Variants in WIPF3 observed in about 807,000 individuals in gnomAD.
The protein encoded by WIPF3 is WAS/WASL-interacting protein family member 3.
In WIPF3, 33 loss-of-function variants were observed where a neutral mutation model predicts 38.9. That is an observed-to-expected ratio of 0.85 (90% CI 0.64 to 1.14). The LOEUF (loss-of-function observed/expected upper bound fraction) is 1.14, where lower values mean the gene tolerates loss of function less well. Ranked by LOEUF, WIPF3 falls within the 50% of genes most tolerant of loss-of-function variation. The pLI is 0.00. For missense variants in WIPF3, 711 were observed against 652.5 expected, an observed-to-expected ratio of 1.09 and a Z score of -0.98; for synonymous variants, 324 against 269.3, an observed-to-expected ratio of 1.20 and a Z score of -1.99.
In WIPF3 at chr7:29,814,942, G is replaced by A. The variant is rs1473442829; in HGVS notation, c.-58+8264G>A. ...TTATTACCGCCCTATTAGAGGAGGG[G>A]ACATTTTCCCCTCACATGGTAGAAC... On this transcript the variant is annotated intron_variant, in intron 1 of 8. Transcript: ENST00000242140. 3.9e-5 allele frequency among the ~76,000 whole-genome samples: 6 copies of A among 152,154 alleles called. No individual in the cohort carries two copies. In the South Asian group the frequency reaches 8.3e-4, roughly 21 times the overall value.
chr7:29,871,465 T>A (rs1785495722), intron 2 of WIPF3, among the ~76,000 whole-genome samples: 1 of 152,226 alleles, frequency 6.6e-6, no homozygotes, highest in Admixed American at 6.5e-5. Flanking sequence ...GCTGAAATTG[T>A]ATTAAAACGA....
At chr7:29,853,210 A>G (rs1258431088) in intron 2 of WIPF3, among the ~76,000 whole-genome samples, 5 of 152,030 alleles carry the variant, frequency 3.3e-5, no homozygotes, top group African/African-American at 7.2e-5. Flanking sequence ...CGTTCCACCA[A>G]CTCTTGTGAC....
rs896501673 is a variant in WIPF3, at chr7:29,884,332, G to A, written c.838G>A (p.Ala280Thr). 3 of 1,257,150 alleles carry A rather than the reference G, an allele frequency of 2.4e-6. No homozygotes were observed. Among genetic ancestry groups the A allele is most frequent in the African/African-American group, 2.0e-5 (1 of 50,650 alleles). The allele number at this position is 1,257,150 out of a possible 1,614,324, so 77.9% of individuals were successfully genotyped here. Residue 280 changes from alanine (A) to threonine (T), a missense_variant, in exon 5 of 9, where the codon GCC becomes ACC. By Grantham distance (58) the Ala-to-Thr change is moderately conservative. Transcript: ENST00000242140. ...CGYPGLKAEP[A>T]SPAQDAQEPP... ...GTATCCGGGGCTCAAAGCGGAGCCC[G>A]CCAGCCCTGCGCAAGATGCGCAGGA...
At chr7:29,889,239 T>C in intron 6 of WIPF3, 67 bp from the exon 7 acceptor site, 1 of 1,353,220 alleles carries the variant, frequency 7.4e-7, no homozygotes, top group Non-Finnish European at 1.0e-6. Flanking sequence ...TCTGTGCTCC[T>C]GGAAATGATC....
intron 2 of WIPF3, among the ~76,000 whole-genome samples, chr7:29,838,457 A>G (rs768258600): frequency 2.6e-5 from 4 of 152,234 alleles, no homozygotes; most frequent in Non-Finnish European, 4.4e-5. Flanking sequence ...ATTACTTGTA[A>G]TAATAACCAA....
chr7:29,905,919 A>T (rs1430491699), intron 8 of WIPF3: 1 of 152,234 alleles, frequency 6.6e-6, no homozygotes, highest in African/African-American at 2.4e-5. Flanking sequence ...AAGTGACCAC[A>T]TATGCCCAGG....
chr7:29,911,368 G>GA (rs1173831841), intron 8 of WIPF3, among the ~76,000 whole-genome samples: 1 of 152,016 alleles, frequency 6.6e-6, no homozygotes, highest in Non-Finnish European at 1.5e-5. Context: ...AAACCCTACC[G>GA]AAATCTCAAT....
rs140341935 is a variant in WIPF3 at position 29,818,503 on chromosome 7, T to A, written c.-58+11825T>A. ...AAAAATAATTAAAATAATTAAATTA[T>A]TTGATTTAATTCTATAAATTAAAAT... On this transcript the variant is annotated intron_variant, in intron 1 of 8. Coordinates refer to ENST00000242140, the MANE Select transcript of WIPF3 (RefSeq NM_001080529.3). Among the ~76,000 whole-genome samples the A allele has an allele frequency of 5.1e-4, 76 of 148,580 alleles. 1 individual carries two copies. The East Asian group carries it at 0.013, about 25-fold the overall frequency.
chr7:29,812,858 G>C (rs940410924), intron 1 of WIPF3, among the ~76,000 whole-genome samples: 11 of 152,102 alleles, frequency 7.2e-5, no homozygotes, highest in African/African-American at 2.7e-4. Flanking sequence ...TTTAAATGTT[G>C]TACTCTTCTA....
At chr7:29,901,990 T>C (rs1786291235) in intron 7 of WIPF3, among the ~76,000 whole-genome samples, 1 of 152,086 alleles carries the variant, frequency 6.6e-6, no homozygotes, top group Non-Finnish European at 1.5e-5. Flanking sequence ...ATTTTTGGGT[T>C]GTTACAAGTG....
intron 1 of WIPF3, among the ~76,000 whole-genome samples, chr7:29,822,922 C>G (rs1181787719): frequency 6.6e-6 from 1 of 152,074 alleles, no homozygotes; most frequent in Non-Finnish European, 1.5e-5. Context: ...CAAGCTGCCT[C>G]CTCTCTGCTG....
intron 2 of WIPF3, among the ~76,000 whole-genome samples, chr7:29,836,349 C>T (rs1784798925): frequency 6.6e-6 from 1 of 152,152 alleles, no homozygotes. Context: ...GAACAAAATC[C>T]ATGTTATTGG....
At chr7:29,894,676 T>C (rs1374605428) in intron 7 of WIPF3, among the ~76,000 whole-genome samples, 1 of 152,072 alleles carries the variant, frequency 6.6e-6, no homozygotes, top group Non-Finnish European at 1.5e-5. Flanking sequence ...GGAGACAGTG[T>C]TGTTTCTATC....
chr7:29,897,999 C>T (rs1786188272), intron 7 of WIPF3, among the ~76,000 whole-genome samples: 1 of 152,178 alleles, frequency 6.6e-6, no homozygotes, highest in South Asian at 2.1e-4. Flanking sequence ...CTGCTCTTCT[C>T]TTAGCCAACA....
At chr7:29,902,268 C>CTTTTTTTTTTT (rs1267369053) in intron 7 of WIPF3, among the ~76,000 whole-genome samples, 4 of 117,354 alleles carry the variant, frequency 3.4e-5, no homozygotes, top group Non-Finnish European at 5.1e-5. Flanking sequence ...TCTTCTTCTT[C>CTTTTTTTTTTT]TTCTTCTTTT....
chr7:29,907,352 A>G (rs899436226), intron 8 of WIPF3, among the ~76,000 whole-genome samples: 2 of 152,240 alleles, frequency 1.3e-5, no homozygotes, highest in Admixed American at 6.5e-5. Flanking sequence ...GTTCACATCA[A>G]CAACTAAAAG....
intron 7 of WIPF3, among the ~76,000 whole-genome samples, chr7:29,901,537 TC>T (rs1386752009): frequency 1.3e-5 from 2 of 151,878 alleles, no homozygotes; most frequent in Admixed American, 1.3e-4. Context: ...ATGTCTATAA[TC>T]CCGACACTTT....
chr7:29,874,706 A>G (rs1226304393), intron 2 of WIPF3, among the ~76,000 whole-genome samples: 2 of 152,120 alleles, frequency 1.3e-5, no homozygotes, highest in Non-Finnish European at 2.9e-5. Flanking sequence ...TTTGCCACCA[A>G]TCTCCTAATG....
chr7:29,909,547 G>A (rs937827300), intron 8 of WIPF3, among the ~76,000 whole-genome samples: 1 of 152,158 alleles, frequency 6.6e-6, no homozygotes, highest in Non-Finnish European at 1.5e-5. Flanking sequence ...GGATGACCTA[G>A]ATGAAATGGA....
Sources: gnomAD v4.1 joint callset for allele counts (sites outside exome capture counted in the v4.1 genomes callset) on GRCh38, gnomAD v4.1.1 for gene constraint, MANE v1.5 for transcripts, NCBI Gene and HGNC (gene_info 2026-07-23, HGNC 2026-07-21) for gene names.